ATP8B4: variants seen among roughly 807,000 people sequenced by gnomAD.
ATP8B4 encodes the protein ATPase phospholipid transporting 8B4 (putative), also known as probable phospholipid-transporting ATPase IM.
ATP8B4 carries 133 observed loss-of-function variants against 145.6 expected under a neutral mutation model. The observed-to-expected ratio is 0.91, with a 90% CI of 0.79 to 1.05. The LOEUF (loss-of-function observed/expected upper bound fraction) is 1.05, where lower values mean the gene tolerates loss of function less well. Ranked by LOEUF, ATP8B4 falls within the 50% of genes least tolerant of loss-of-function variation. The pLI, the probability that ATP8B4 is intolerant of heterozygous loss-of-function variation, is 0.00. For missense variants in ATP8B4, 1,458 were observed against 1,425.2 expected (o/e 1.02, Z -0.37); for synonymous variants, 507 against 492.9 (o/e 1.03, Z -0.38).
intron 23 of ATP8B4, among the ~76,000 whole-genome samples, chr15:49,881,445 A>C (rs1463301007): frequency 6.6e-6 from 1 of 152,226 alleles, no homozygotes; most frequent in Non-Finnish European, 1.5e-5. Context: ...AAATTTAACA[A>C]TCAGCTCTTG....
At chr15:49,876,214 T>A (rs1425282050) in intron 25 of ATP8B4, 64 bp downstream of exon 25, 1 of 1,555,344 alleles carries the variant, frequency 6.4e-7, no homozygotes, top group African/African-American at 1.4e-5. Context: ...ACAAAATCAA[T>A]CAACAATGAA....
At chr15:49,962,096 A>G (rs1199450082) in intron 13 of ATP8B4, 76 bp from the exon 14 acceptor site, 8 of 1,132,292 alleles carry the variant, frequency 7.1e-6, no homozygotes, top group Non-Finnish European at 1.0e-5. Context: ...TAAGGAATAC[A>G]CTTATTATTT....
chr15:50,158,248 G>T (rs1315822887), intron 1 of ATP8B4, among the ~76,000 whole-genome samples: 1 of 151,524 alleles, frequency 6.6e-6, no homozygotes, highest in African/African-American at 2.4e-5. Context: ...CCTCTGCCCG[G>T]CTGCCCAGTC....
intron 8 of ATP8B4, among the ~76,000 whole-genome samples, chr15:50,001,106 T>A (rs1037054875): frequency 1.3e-5 from 2 of 151,968 alleles, no homozygotes; most frequent in Admixed American, 6.6e-5. Context: ...CTTGTATTGA[T>A]GTTTCCAAAG....
intron 1 of ATP8B4, among the ~76,000 whole-genome samples, chr15:50,165,534 C>T (rs2044583872): frequency 6.6e-6 from 1 of 151,956 alleles, no homozygotes; most frequent in African/African-American, 2.4e-5. Flanking sequence ...CTATCTCCTC[C>T]CCCTAAATAA....
intron 14 of ATP8B4, among the ~76,000 whole-genome samples, chr15:49,948,281 CA>C (rs35575312): frequency 0.019 from 2,100 of 112,252 alleles, 54 homozygotes; most frequent in African/African-American, 0.059. Context: ...ACTAAAAATA[CA>C]AAAAAAAAAA....
intron 5 of ATP8B4, among the ~76,000 whole-genome samples, 169 bp downstream of exon 5, chr15:50,044,425 C>T (rs1035083550): frequency 2.6e-5 from 4 of 152,190 alleles, no homozygotes; most frequent in African/African-American, 7.2e-5. Flanking sequence ...TTTAAACAGG[C>T]TCTGGTTTTA....
At chr15:49,896,539 G>A (rs143744027) in intron 23 of ATP8B4, 47 of 152,224 alleles carry the variant, frequency 3.1e-4, no homozygotes, top group African/African-American at 1.1e-3. Context: ...GAGTGTTATG[G>A]TTACCATTTC....
intron 6 of ATP8B4, among the ~76,000 whole-genome samples, chr15:50,031,276 A>C (rs1309722619): frequency 6.6e-6 from 1 of 152,168 alleles, no homozygotes; most frequent in African/African-American, 2.4e-5. Context: ...CTTCTTTCAA[A>C]TCTGCAAGTC....
At chr15:50,133,811 G>C (rs1161697011) in intron 1 of ATP8B4, among the ~76,000 whole-genome samples, 1 of 152,040 alleles carries the variant, frequency 6.6e-6, no homozygotes, top group East Asian at 1.9e-4. Flanking sequence ...AATTTGCTAA[G>C]AGAGTAAATC....
intron 26 of ATP8B4, among the ~76,000 whole-genome samples, chr15:49,863,181 GAACTTGTTATTTCTCTAT>G (rs1489755135): frequency 1.3e-5 from 2 of 152,130 alleles, no homozygotes; most frequent in African/African-American, 2.4e-5. Context: ...TGCCTCAGAG[GAACTTGTTATTTCTCTAT>G]TGTTCACTTG....
intron 25 of ATP8B4, among the ~76,000 whole-genome samples, chr15:49,869,055 G>A (rs1231783726): frequency 2.0e-5 from 3 of 151,926 alleles, no homozygotes; most frequent in Non-Finnish European, 4.4e-5. Context: ...ACTACAGGCA[G>A]GCGCCACCAT....
intron 12 of ATP8B4, 127 bp from the exon 13 acceptor site, chr15:49,972,917 C>T (rs2045305265): frequency 5.9e-6 from 5 of 841,310 alleles, no homozygotes; most frequent in Non-Finnish European, 7.2e-6. Flanking sequence ...ATGCTCTGTC[C>T]CTAGGTCCCA....
chr15:49,943,713 C>T (rs1342136770), intron 14 of ATP8B4, among the ~76,000 whole-genome samples: 5 of 152,014 alleles, frequency 3.3e-5, no homozygotes, highest in African/African-American at 1.2e-4. Flanking sequence ...ACAAGAAATG[C>T]CAAAGGGAGT....
intron 2 of ATP8B4, among the ~76,000 whole-genome samples, chr15:50,097,649 G>T (rs2056074192): frequency 6.6e-6 from 1 of 152,160 alleles, no homozygotes; most frequent in South Asian, 2.1e-4. Context: ...GGGTACAGAA[G>T]AGGCTTCCAG....
intron 20 of ATP8B4, among the ~76,000 whole-genome samples, chr15:49,906,176 T>C (rs181255321): frequency 2.0e-5 from 3 of 152,346 alleles, no homozygotes; most frequent in South Asian, 2.1e-4. Flanking sequence ...ATTTGAGCTA[T>C]TTCTCATCTC....
chr15:50,094,615 T>G (rs1286543788), intron 2 of ATP8B4, among the ~76,000 whole-genome samples: 1 of 148,348 alleles, frequency 6.7e-6, no homozygotes, highest in Non-Finnish European at 1.5e-5. Context: ...TATACGTATA[T>G]ACACATATAC....
chr15:49,924,287 T>C (rs1304652550), intron 16 of ATP8B4, among the ~76,000 whole-genome samples: 1 of 152,172 alleles, frequency 6.6e-6, no homozygotes, highest in East Asian at 1.9e-4. Context: ...GTTGTACAGC[T>C]TGACACATAG....
intron 1 of ATP8B4, among the ~76,000 whole-genome samples, chr15:50,124,261 C>T (rs369817753): frequency 2.0e-5 from 3 of 152,100 alleles, no homozygotes; most frequent in African/African-American, 7.2e-5. Context: ...CCTCCCCCAC[C>T]CCAATTTCCC....
Sources: gnomAD v4.1 joint callset for allele counts (sites outside exome capture counted in the v4.1 genomes callset) on GRCh38, gnomAD v4.1.1 for gene constraint, MANE v1.5 for transcripts, NCBI Gene and HGNC (gene_info 2026-07-23, HGNC 2026-07-21) for gene names.